The following ATL2 variants were observed in gnomAD, a reference collection of about 807,000 sequenced individuals.
ATL2 encodes the protein atlastin GTPase 2, also known as atlastin-2.
Under a neutral mutation model 73.9 loss-of-function variants are expected in ATL2, and 31 were observed. The ratio of observed to expected loss-of-function variants is 0.42; its 90% CI spans 0.32 to 0.57. The LOEUF (loss-of-function observed/expected upper bound fraction) is 0.57. Ranked by LOEUF, ATL2 falls within the 20% of genes least tolerant of loss-of-function variation. The pLI is 0.14. For synonymous variants in ATL2, 291 were observed against 237.5 expected (o/e 1.23, Z -2.07); for missense variants, 738 against 702.6 (o/e 1.05, Z -0.57).
chr2:38,361,254 T>C (rs1670998564), intron 1 of ATL2, among the ~76,000 whole-genome samples: 1 of 146,804 alleles, frequency 6.8e-6, no homozygotes, highest in Non-Finnish European at 1.5e-5. Context: ...CTAGGGAGGC[T>C]GAGGCAGAAG....
At chr2:38,297,582 T>C (rs1243037369) in intron 12 of ATL2, among the ~76,000 whole-genome samples, 1 of 152,206 alleles carries the variant, frequency 6.6e-6, no homozygotes, top group African/African-American at 2.4e-5. Flanking sequence ...TCTCTGTTCA[T>C]GGCGCTTTGC....
At chr2:38,369,270 T>A (rs777564321) in intron 1 of ATL2, among the ~76,000 whole-genome samples, 6 of 151,300 alleles carry the variant, frequency 4.0e-5, no homozygotes, top group African/African-American at 7.3e-5. Context: ...ACCAACATAG[T>A]GAAACCCCCA....
At chr2:38,337,947 T>C (rs1473956170) in intron 2 of ATL2, among the ~76,000 whole-genome samples, 1 of 152,210 alleles carries the variant, frequency 6.6e-6, no homozygotes, top group East Asian at 1.9e-4. Context: ...TCGTAAGCAC[T>C]GTGTTTAGTT....
At chr2:38,343,562 A>C in intron 1 of ATL2, 50 bp from the exon 2 acceptor site, 1 of 1,554,974 alleles carries the variant, frequency 6.4e-7, no homozygotes, top group Non-Finnish European at 8.7e-7. Flanking sequence ...TATATTACGA[A>C]CTTTCATTAA....
chr2:38,318,750 T>G, intron 3 of ATL2, 111 bp from the exon 4 acceptor site: 2 of 1,307,768 alleles, frequency 1.5e-6, no homozygotes, highest in Non-Finnish European at 2.1e-6. Flanking sequence ...AAAGTACTTA[T>G]ATCTCATACA....
At chr2:38,346,191 T>C (rs141664165) in intron 1 of ATL2, among the ~76,000 whole-genome samples, 1 of 152,318 alleles carries the variant, frequency 6.6e-6, no homozygotes, top group African/African-American at 2.4e-5. Flanking sequence ...TCTTAATTTG[T>C]CTTCATTTCT....
At chr2:38,376,066 C>G (rs1041468629) in intron 1 of ATL2, 5 of 1,389,970 alleles carry the variant, frequency 3.6e-6, no homozygotes, top group Non-Finnish European at 4.7e-6. Flanking sequence ...TCTTAAGACA[C>G]GAGCTCGTAT....
chr2:38,303,847 C>G (rs748679028), intron 9 of ATL2, among the ~76,000 whole-genome samples: 2 of 152,082 alleles, frequency 1.3e-5, no homozygotes, highest in Non-Finnish European at 2.9e-5. Context: ...AAGAATGGAT[C>G]CTGGCTGGGC....
chr2:38,314,801 A>C lies in ATL2; in HGVS notation c.655-137T>G, dbSNP rs1573458960. The C allele has an allele frequency of 8.6e-6, 5 of 580,614 alleles. No individual in the cohort carries two copies. The East Asian group carries it at 1.2e-4, about 14-fold the overall frequency. The allele number at this position is 580,614 out of a possible 1,614,324, so 36.0% of individuals were successfully genotyped here. ...AGCCAAACATTTAATTTTCTAACAC[A>C]CTAGGTATGTACAAAATTTCTTCCA... On this transcript the variant is annotated intron_variant, in intron 5 of 12. Coordinates refer to ENST00000378954, the MANE Select transcript of ATL2 (RefSeq NM_001135673.4).
At chr2:38,366,141 T>C (rs1048147721) in intron 1 of ATL2, among the ~76,000 whole-genome samples, 3 of 150,436 alleles carry the variant, frequency 2.0e-5, no homozygotes, top group African/African-American at 7.3e-5. Flanking sequence ...CTTCGCACTA[T>C]ACTCTCCTTT....
At chr2:38,330,665 C>T (rs148786299) in intron 2 of ATL2, among the ~76,000 whole-genome samples, 3 of 152,046 alleles carry the variant, frequency 2.0e-5, no homozygotes, top group South Asian at 2.1e-4. Context: ...GTAACATCAA[C>T]AAAAGGAATA....
intron 9 of ATL2, among the ~76,000 whole-genome samples, chr2:38,301,020 G>C (rs1806837): frequency 0.33 from 50,048 of 149,610 alleles, 8,535 homozygotes; most frequent in South Asian, 0.47. Flanking sequence ...GCCCAGGCTG[G>C]AGTGCAACGG....
At chr2:38,354,943 A>C (rs1438626238) in intron 1 of ATL2, among the ~76,000 whole-genome samples, 1 of 152,144 alleles carries the variant, frequency 6.6e-6, no homozygotes, top group Non-Finnish European at 1.5e-5. Flanking sequence ...ATAGTAAAAA[A>C]TATTCAATGA....
intron 4 of ATL2, among the ~76,000 whole-genome samples, chr2:38,315,955 G>A (rs1334570442): frequency 1.3e-5 from 2 of 152,180 alleles, no homozygotes; most frequent in South Asian, 2.1e-4. Flanking sequence ...ATTTTTTGGA[G>A]GAGACTAGAG....
chr2:38,356,901 C>T (rs773280797), intron 1 of ATL2, among the ~76,000 whole-genome samples: 3 of 152,154 alleles, frequency 2.0e-5, no homozygotes, highest in African/African-American at 4.8e-5. Flanking sequence ...ACCCTAAAGT[C>T]CCTTTAATTC....
chr2:38,354,480 A>T (rs964505344), intron 1 of ATL2, among the ~76,000 whole-genome samples: 5 of 152,224 alleles, frequency 3.3e-5, no homozygotes, highest in African/African-American at 1.2e-4. Flanking sequence ...TTATGATTTT[A>T]AAGTGGAAAG....
chr2:38,336,548 AT>A (rs1669366814), intron 2 of ATL2, among the ~76,000 whole-genome samples: 1 of 152,220 alleles, frequency 6.6e-6, no homozygotes, highest in Non-Finnish European at 1.5e-5. Flanking sequence ...CAAAGTAAAT[AT>A]TTATAAAAGA....
chr2:38,299,690 A>G (rs1464594467), intron 10 of ATL2, among the ~76,000 whole-genome samples: 1 of 152,242 alleles, frequency 6.6e-6, no homozygotes, highest in Admixed American at 6.5e-5. Context: ...TCAGTATTAT[A>G]CAAGACATTT....
At chr2:38,371,882 G>C in intron 1 of ATL2, among the ~76,000 whole-genome samples, 1 of 152,140 alleles carries the variant, frequency 6.6e-6, no homozygotes, top group Non-Finnish European at 1.5e-5. Flanking sequence ...GGGTGACAGA[G>C]GGAGGCTCTG....
Sources: allele counts gnomAD v4.1 joint callset (sites outside exome capture counted in the v4.1 genomes callset), GRCh38; gene constraint gnomAD v4.1.1; transcripts MANE v1.5; gene names NCBI Gene and HGNC (gene_info 2026-07-23, HGNC 2026-07-21).